Variants in TDRD3 observed in about 807,000 individuals in gnomAD.
The protein encoded by TDRD3 is tudor domain containing 3.
In TDRD3, 45 loss-of-function variants were observed where a neutral mutation model predicts 86.7. That is an observed-to-expected ratio of 0.52 (90% CI 0.41 to 0.67). The LOEUF (loss-of-function observed/expected upper bound fraction) is 0.67. TDRD3 is among the 30% of genes least tolerant of loss of function. TDRD3 has a pLI of 0.00. For missense variants in TDRD3, 814 were observed against 889.0 expected (o/e 0.92, Z 1.07); for synonymous variants, 298 against 301.7 (o/e 0.99, Z 0.13).
intron 10 of TDRD3, among the ~76,000 whole-genome samples, chr13:60,519,034 A>G (rs1957230865): frequency 6.6e-6 from 1 of 152,174 alleles, no homozygotes; most frequent in Non-Finnish European, 1.5e-5. Flanking sequence ...ATTGTTTTAA[A>G]TTAACTTAAT....
intron 3 of TDRD3, among the ~76,000 whole-genome samples, chr13:60,452,951 T>C (rs1302079594): frequency 6.6e-6 from 1 of 152,100 alleles, no homozygotes; most frequent in East Asian, 1.9e-4. Flanking sequence ...TTTGTTACAA[T>C]AGACTTTGTT....
intron 12 of TDRD3, among the ~76,000 whole-genome samples, chr13:60,544,434 A>G (rs1446210695): frequency 3.9e-5 from 5 of 129,428 alleles, no homozygotes; most frequent in South Asian, 2.7e-4. Flanking sequence ...AAGCAAGACC[A>G]TATCTCTTTA....
intron 10 of TDRD3, among the ~76,000 whole-genome samples, chr13:60,512,334 A>G (rs555505689): frequency 2.0e-5 from 3 of 152,304 alleles, no homozygotes; most frequent in African/African-American, 7.2e-5. Context: ...TGGGCATTCA[A>G]GATGAGATTT....
intron 12 of TDRD3, among the ~76,000 whole-genome samples, chr13:60,562,722 C>A (rs1419644334): frequency 6.6e-6 from 1 of 152,118 alleles, no homozygotes; most frequent in Non-Finnish European, 1.5e-5. Context: ...GACTACTATA[C>A]AAATTCTGTT....
chr13:60,515,527 C>G (rs1026093021), intron 10 of TDRD3, among the ~76,000 whole-genome samples: 2 of 152,118 alleles, frequency 1.3e-5, no homozygotes, highest in African/African-American at 4.8e-5. Context: ...TTCTTATATT[C>G]TCTTGGTTCT....
At chr13:60,405,757 A>C (rs1006325369) in intron 1 of TDRD3, among the ~76,000 whole-genome samples, 1 of 152,218 alleles carries the variant, frequency 6.6e-6, no homozygotes, top group Non-Finnish European at 1.5e-5. Context: ...AATAGGAATC[A>C]GTTGAATAGT....
intron 5 of TDRD3, among the ~76,000 whole-genome samples, chr13:60,473,509 C>G (rs1290290923): frequency 6.6e-6 from 1 of 152,176 alleles, no homozygotes; most frequent in East Asian, 1.9e-4. Context: ...AGGGCACAAA[C>G]TGTTCCAGCA....
chr13:60,423,088 G>C (rs1260160097), intron 1 of TDRD3, among the ~76,000 whole-genome samples: 2 of 152,168 alleles, frequency 1.3e-5, no homozygotes, highest in Admixed American at 6.5e-5. Context: ...AATTATAGTA[G>C]CATCAAGCTT....
At chr13:60,498,418 G>A (rs567371338) in intron 8 of TDRD3, among the ~76,000 whole-genome samples, 84 of 152,258 alleles carry the variant, frequency 5.5e-4, no homozygotes, top group Admixed American at 6.5e-4. Flanking sequence ...TGTAATGGAC[G>A]GTAGAAGCAA....
intron 7 of TDRD3, 40 bp from the exon 8 acceptor site, chr13:60,494,395 C>T (rs1246417611): frequency 6.7e-7 from 1 of 1,487,510 alleles, no homozygotes; most frequent in South Asian, 1.5e-5. Context: ...TTTTTAAATG[C>T]TGTCTACATA....
In TDRD3 at chr13:60,541,146, ATTCTTTCTTTCTTTCTTTCT is replaced by A. The variant is rs138633350; in HGVS notation, c.2118+5928_2118+5947del. ...TCTACAGCATTCTTTTTGTTTTTCT[ATTCTTTCTTTCTTTCTTTCT>A]TTCTTTCTTTCTTTTTTTGAGACGG... On this transcript the variant is annotated intron_variant, in intron 12 of 13. Transcript: ENST00000377881. 3.3e-5 allele frequency among the ~76,000 whole-genome samples: 5 copies of A among 149,926 alleles called. No individual in the cohort carries two copies. In the South Asian group the frequency reaches 6.4e-4, roughly 19 times the overall value.
intron 3 of TDRD3, among the ~76,000 whole-genome samples, chr13:60,451,073 T>G (rs1594948151): frequency 1.3e-5 from 2 of 152,254 alleles, no homozygotes; most frequent in South Asian, 4.1e-4. Flanking sequence ...AGATCTTGAC[T>G]GGTAACAATA....
At chr13:60,528,265 A>T in intron 10 of TDRD3, 102 bp from the exon 11 acceptor site, 1 of 1,267,956 alleles carries the variant, frequency 7.9e-7, no homozygotes, top group Non-Finnish European at 1.0e-6. Flanking sequence ...ATTTTAGAAT[A>T]GTAGTTTGAT....
chr13:60,404,821 C>G (rs929270925), intron 1 of TDRD3, among the ~76,000 whole-genome samples: 1 of 152,198 alleles, frequency 6.6e-6, no homozygotes, highest in Non-Finnish European at 1.5e-5. Context: ...TCACCCAGAT[C>G]TCATCTTGTA....
chr13:60,551,975 G>T (rs1416582582), intron 12 of TDRD3, among the ~76,000 whole-genome samples: 3 of 152,116 alleles, frequency 2.0e-5, no homozygotes, highest in Non-Finnish European at 4.4e-5. Flanking sequence ...CGACATGTGG[G>T]GATTACGATT....
Position 60,528,688 on chromosome 13 carries a change from G to A in TDRD3, c.1463G>A (p.Gly488Asp), listed in dbSNP as rs1957508203. ...DRTKDTSYPLGSQHSDGAFKK... is the reference protein window; with the variant it reads ...DRTKDTSYPLDSQHSDGAFKK... ...ACTAAAGATACTTCATATCCTTTAG[G>A]TTCTCAGCATAGTGATGGTGCTTTT... Residue 488 changes from glycine to aspartate, a missense_variant, in exon 11 of 14, where the codon GGT becomes GAT. Transcript: ENST00000377881. 6.2e-7 allele frequency: 1 copy of A among 1,613,376 alleles called. No homozygotes were observed. The highest frequency in any genetic ancestry group is 1.7e-5 in the Admixed American group (1 of 59,936).
In TDRD3 at chr13:60,494,587, G is replaced by C; in HGVS notation, c.858+12G>C. On this transcript the variant is annotated intron_variant, in intron 8 of 13. Coordinates refer to ENST00000377881, the MANE Select transcript of TDRD3 (RefSeq NM_001146070.2). ...TCTATAGAGAACTGGTAAGGCTAAAGAACTAACCACAAATTTAAAGTGTTA... is the reference window on the plus strand; with the variant it reads ...TCTATAGAGAACTGGTAAGGCTAAACAACTAACCACAAATTTAAAGTGTTA... 5 of 1,602,750 alleles carry C rather than the reference G, an allele frequency of 3.1e-6. No individual in the cohort carries two copies. The highest frequency in any genetic ancestry group is 4.3e-6 in the Non-Finnish European group (5 of 1,175,832).
rs1292230553 is a variant in TDRD3 at position 60,444,684 on chromosome 13, C to A, written c.128C>A (p.Thr43Lys). ...TTAATAATAATATTTTTATTTTAGA[C>A]AGATCTGAGAACAATTGGCAAGAAA... ...VNDIILIALNTDLRTIGKKFL... is the reference protein window; with the variant it reads ...VNDIILIALNKDLRTIGKKFL... The change falls in exon 3 of 14, where the codon ACA (threonine) becomes AAA (lysine). Residue 43 changes from threonine to lysine, a missense_variant and splice_region_variant. By Grantham distance (78) the Thr-to-Lys change is moderately conservative. Transcript: ENST00000377881. The A allele has an allele frequency of 3.5e-6, 5 of 1,418,194 alleles. No homozygotes were observed. The highest frequency in any genetic ancestry group is 4.7e-6 in the Non-Finnish European group (5 of 1,056,184). 87.9% of individuals were successfully genotyped at this position (1,418,194 alleles called of 1,614,324 possible).
At chr13:60,529,682 T>A (rs1957536889) in intron 11 of TDRD3, among the ~76,000 whole-genome samples, 1 of 151,968 alleles carries the variant, frequency 6.6e-6, no homozygotes, top group Non-Finnish European at 1.5e-5. Context: ...TAATTATTTA[T>A]TTTATAATAA....
Sources: gnomAD v4.1 joint callset for allele counts (sites outside exome capture counted in the v4.1 genomes callset) on GRCh38, gnomAD v4.1.1 for gene constraint, MANE v1.5 for transcripts, NCBI Gene and HGNC (gene_info 2026-07-23, HGNC 2026-07-21) for gene names.